Variants in SMARCA2 observed in about 807,000 individuals in gnomAD.
SMARCA2 encodes SWI/SNF related BAF chromatin remodeling complex subunit ATPase 2.
A neutral mutation model predicts 199.8 loss-of-function variants in SMARCA2; 61 were observed. The observed-to-expected ratio is 0.31, with a 90% CI of 0.25 to 0.38. SMARCA2 has a LOEUF of 0.38. Among genes scored for constraint, SMARCA2 ranks in the 10% least tolerant of loss-of-function variants. The pLI is 1.00. For synonymous variants in SMARCA2, 935 were observed against 732.0 expected (o/e 1.28, Z -4.48); for missense variants, 1,344 against 2,012.2 (o/e 0.67, Z 6.35).
chr9:2,091,937 G>T lies in SMARCA2; in HGVS notation c.2883+3324G>T, dbSNP rs78423828. Among the ~76,000 whole-genome samples, 3 of 152,138 alleles carry T rather than the reference G, an allele frequency of 2.0e-5. No homozygotes were observed. The East Asian group carries it at 5.8e-4, about 29-fold the overall frequency. On this transcript the variant is annotated intron_variant, in intron 19 of 33. Coordinates refer to ENST00000349721, the MANE Select transcript of SMARCA2 (RefSeq NM_003070.5). ...ACGGTTTTGTAAATGCAGGTCAACC[G>T]CATAGGAAAATTAGCTTTAATATTG...
intron 29 of SMARCA2, among the ~76,000 whole-genome samples, chr9:2,180,164 A>G (rs1262183086): frequency 6.6e-6 from 1 of 152,208 alleles, no homozygotes; most frequent in Middle Eastern, 3.2e-3. Flanking sequence ...CCAATTCCTG[A>G]GTAAAATGCA....
chr9:2,063,350 G>C (rs143857045), intron 9 of SMARCA2, among the ~76,000 whole-genome samples: 1 of 152,272 alleles, frequency 6.6e-6, no homozygotes, highest in East Asian at 1.9e-4. Context: ...TGACACTTTG[G>C]ATTATCTGTA....
chr9:2,094,741 A>G (rs888629096), intron 19 of SMARCA2, among the ~76,000 whole-genome samples: 1 of 152,238 alleles, frequency 6.6e-6, no homozygotes, highest in Non-Finnish European at 1.5e-5. Context: ...TGGCTATCCC[A>G]GTACAGCTCT....
chr9:2,177,665 G>C (rs951787786), intron 29 of SMARCA2, among the ~76,000 whole-genome samples: 11 of 151,956 alleles, frequency 7.2e-5, no homozygotes, highest in Non-Finnish European at 1.5e-4. Flanking sequence ...CAATTCTCCT[G>C]CCTCAGCCTC....
chr9:2,026,774 T>C (rs1448846211), intron 1 of SMARCA2, among the ~76,000 whole-genome samples: 1 of 152,238 alleles, frequency 6.6e-6, no homozygotes, highest in Non-Finnish European at 1.5e-5. Flanking sequence ...TATCTTGTAG[T>C]AGCCCTGAAT....
intron 27 of SMARCA2, among the ~76,000 whole-genome samples, chr9:2,130,715 A>G (rs769017996): frequency 3.3e-5 from 5 of 152,196 alleles, no homozygotes; most frequent in African/African-American, 9.7e-5. Flanking sequence ...ACATACATAT[A>G]TATATACACA....
At chr9:2,092,708 T>C (rs891246585) in intron 19 of SMARCA2, among the ~76,000 whole-genome samples, 1 of 152,208 alleles carries the variant, frequency 6.6e-6, no homozygotes, top group African/African-American at 2.4e-5. Flanking sequence ...TAGGAGATAA[T>C]TACCAGATAC....
chr9:2,087,243 T>A, intron 18 of SMARCA2, 172 bp downstream of exon 18: 1 of 736,880 alleles, frequency 1.4e-6, no homozygotes, highest in Non-Finnish European at 2.2e-6. Context: ...TATTTTCCCC[T>A]CCTAGGAAAA....
intron 27 of SMARCA2, among the ~76,000 whole-genome samples, chr9:2,148,577 G>A (rs1196411998): frequency 6.6e-6 from 1 of 151,368 alleles, no homozygotes; most frequent in African/African-American, 2.4e-5. Flanking sequence ...TGCCATGTTG[G>A]TGTGCTGCAC....
At position 2,056,912 on chromosome 9, in the gene SMARCA2, G is replaced by A. The variant is rs1820378994; in HGVS notation, c.1347+67G>A. On this transcript the variant is annotated intron_variant, in intron 7 of 33. Coordinates refer to ENST00000349721, the MANE Select transcript of SMARCA2 (RefSeq NM_003070.5). This position sits in a 1 kb window ranked among gnomAD's most constrained non-coding sequence, Gnocchi z 4.0. Reference sequence around the variant, plus strand: ...GCTGTCCAATGAATTCATCAAATGGGGTCAGAATGACTGAAAAATGGACCC... The same window carrying A: ...GCTGTCCAATGAATTCATCAAATGGAGTCAGAATGACTGAAAAATGGACCC... The A allele has an allele frequency of 1.4e-6, 2 of 1,456,570 alleles. No individual in the cohort carries two copies. Among genetic ancestry groups the A allele is most frequent in the African/African-American group, 1.4e-5 (1 of 70,758 alleles). 90.2% of individuals were successfully genotyped at this position (1,456,570 alleles called of 1,614,324 possible).
Position 2,016,702 on chromosome 9 carries a change from G to A in SMARCA2, c.-37+1298G>A, listed in dbSNP as rs993460895. Among the ~76,000 whole-genome samples the A allele has an allele frequency of 1.3e-4, 20 of 151,828 alleles. No homozygotes were observed. Among genetic ancestry groups the A allele is most frequent in the African/African-American group, 4.8e-4 (20 of 41,346 alleles). ...GGGGGTGGCGAGGGCGGGAGGCGGGGAGACCGGGTAGGAGCCTCCTCCCAA... is the reference window on the plus strand; with the variant it reads ...GGGGGTGGCGAGGGCGGGAGGCGGGAAGACCGGGTAGGAGCCTCCTCCCAA... On this transcript the variant is annotated intron_variant, in intron 1 of 33. Coordinates refer to ENST00000349721, the MANE Select transcript of SMARCA2 (RefSeq NM_003070.5). This position sits in a 1 kb window ranked among gnomAD's most constrained non-coding sequence, Gnocchi z 5.6.
chr9:2,109,986 A>T (rs1279497919), intron 23 of SMARCA2, among the ~76,000 whole-genome samples: 1 of 152,186 alleles, frequency 6.6e-6, no homozygotes, highest in Non-Finnish European at 1.5e-5. Context: ...AAATGTTTTC[A>T]TTGTTTTAGG....
intron 27 of SMARCA2, among the ~76,000 whole-genome samples, chr9:2,146,377 G>A (rs1824744372): frequency 6.6e-6 from 1 of 152,134 alleles, no homozygotes; most frequent in Non-Finnish European, 1.5e-5. Context: ...TAAGAAATAT[G>A]CGAAATCAGG....
intron 13 of SMARCA2, among the ~76,000 whole-genome samples, chr9:2,076,612 C>T (rs1016670009): frequency 6.6e-6 from 1 of 151,954 alleles, no homozygotes; most frequent in African/African-American, 2.4e-5. Context: ...AGGCTCACTC[C>T]TGAGCCTCAC....
At chr9:2,101,894 G>T (rs1183855864) in intron 22 of SMARCA2, among the ~76,000 whole-genome samples, 1 of 152,158 alleles carries the variant, frequency 6.6e-6, no homozygotes, top group Non-Finnish European at 1.5e-5. Flanking sequence ...AGCTTCAAAG[G>T]TTTGTTATTT....
At chr9:2,101,312 C>A (rs1197159077) in intron 21 of SMARCA2, among the ~76,000 whole-genome samples, 1 of 152,048 alleles carries the variant, frequency 6.6e-6, no homozygotes, top group Admixed American at 6.6e-5. Context: ...TGCTCAGTGA[C>A]TGTGTGATGG....
At chr9:2,155,737 TTTTTTTTTTTTTTTTTTTTTTC>T in intron 27 of SMARCA2, among the ~76,000 whole-genome samples, 1 of 125,100 alleles carries the variant, frequency 8.0e-6, no homozygotes. Flanking sequence ...TTTTTTTTTT[TTTTTTTTTTTTTTTTTTTTTTC>T]AAAAGTGATC....
chr9:2,134,013 T>C (rs1276043067), intron 27 of SMARCA2, among the ~76,000 whole-genome samples: 1 of 152,214 alleles, frequency 6.6e-6, no homozygotes, highest in Non-Finnish European at 1.5e-5. Flanking sequence ...CTTGATAGGG[T>C]ATTCTGAGAA....
Position 2,054,793 on chromosome 9 carries a change from G to T in SMARCA2, c.1173+70G>T, listed in dbSNP as rs1820277947. On this transcript the variant is annotated intron_variant, in intron 6 of 33. Transcript: ENST00000349721. ...TAATTGTTCCTAAAGTGTTATCTGT[G>T]TTGCCTTTAGTCTATTCAATATTGT... 2.0e-6 allele frequency: 3 copies of T among 1,499,764 alleles called. No homozygotes were observed. In the Admixed American group the frequency reaches 5.1e-5, roughly 26 times the overall value. 92.9% of individuals were successfully genotyped at this position (1,499,764 alleles called of 1,614,324 possible).
Sources: allele counts gnomAD v4.1 joint callset (sites outside exome capture counted in the v4.1 genomes callset), GRCh38; gene constraint gnomAD v4.1.1; non-coding constraint Gnocchi (gnomAD v3.1); transcripts MANE v1.5; gene names NCBI Gene and HGNC (gene_info 2026-07-23, HGNC 2026-07-21).